Variants in ARHGAP22 observed in about 807,000 individuals in gnomAD.
ARHGAP22 encodes the protein rho GTPase-activating protein 22.
Under a neutral mutation model 59.1 loss-of-function variants are expected in ARHGAP22, and 48 were observed. That is an observed-to-expected ratio of 0.81 (90% CI 0.64 to 1.03). The LOEUF is 1.03. Among genes scored for constraint, ARHGAP22 ranks in the 50% least tolerant of loss-of-function variants. The pLI, the probability that ARHGAP22 is intolerant of heterozygous loss-of-function variation, is 0.00. For synonymous variants in ARHGAP22, 445 were observed against 416.4 expected (o/e 1.07, Z -0.84); for missense variants, 1,015 against 958.7 (o/e 1.06, Z -0.78).
intron 1 of ARHGAP22, among the ~76,000 whole-genome samples, chr10:48,621,943 T>C (rs1414767944): frequency 6.6e-6 from 1 of 152,208 alleles, no homozygotes. Context: ...GTCTCTTTTG[T>C]TTGATTTTAG....
intron 3 of ARHGAP22, among the ~76,000 whole-genome samples, chr10:48,544,593 T>C (rs2056264692): frequency 1.3e-5 from 2 of 152,246 alleles, no homozygotes; most frequent in East Asian, 3.8e-4. Context: ...GTTTAAAAAC[T>C]GACATTCAGT....
chr10:48,495,881 T>A (rs753250897), intron 3 of ARHGAP22, among the ~76,000 whole-genome samples: 39 of 152,170 alleles, frequency 2.6e-4, no homozygotes, highest in Non-Finnish European at 3.8e-4. Context: ...GGTGAGAAAC[T>A]GAGAGAAGCC....
intron 2 of ARHGAP22, among the ~76,000 whole-genome samples, chr10:48,565,429 G>A (rs959351070): frequency 2.6e-5 from 4 of 152,146 alleles, no homozygotes; most frequent in East Asian, 1.9e-4. Flanking sequence ...CTGAACCTCC[G>A]TTTCCTCCTC....
chr10:48,561,678 T>C (rs1416053149), intron 2 of ARHGAP22, among the ~76,000 whole-genome samples: 1 of 152,164 alleles, frequency 6.6e-6, no homozygotes, highest in African/African-American at 2.4e-5. Flanking sequence ...AGGCAAAAGA[T>C]TTAAACAGAT....
intron 8 of ARHGAP22, 118 bp from the exon 9 acceptor site, chr10:48,451,258 C>A: frequency 4.3e-6 from 6 of 1,405,118 alleles, no homozygotes; most frequent in Non-Finnish European, 5.9e-6. Flanking sequence ...AGAGCCAGGC[C>A]GCCCCTCAAG....
At chr10:48,588,184 C>A (rs74130571) in intron 1 of ARHGAP22, among the ~76,000 whole-genome samples, 98 of 150,792 alleles carry the variant, frequency 6.5e-4, no homozygotes, top group African/African-American at 2.3e-3. Context: ...GGGCCATGTT[C>A]ACTGGGGCAA....
At chr10:48,621,494 T>C (rs991027397) in intron 1 of ARHGAP22, among the ~76,000 whole-genome samples, 1 of 152,226 alleles carries the variant, frequency 6.6e-6, no homozygotes, top group Admixed American at 6.5e-5. Context: ...CTCCAAATGG[T>C]GGAGGATTTA....
At chr10:48,643,521 C>T (rs1565048788) in intron 1 of ARHGAP22, among the ~76,000 whole-genome samples, 3 of 151,154 alleles carry the variant, frequency 2.0e-5, no homozygotes, top group Admixed American at 6.6e-5. Context: ...CCAAACATCG[C>T]ATGTTCTCAC....
At chr10:48,631,912 T>C (rs1046474105) in intron 1 of ARHGAP22, among the ~76,000 whole-genome samples, 19 of 152,226 alleles carry the variant, frequency 1.2e-4, no homozygotes, top group African/African-American at 4.3e-4. Flanking sequence ...CAATGAATAC[T>C]CTTGGTTTTT....
chr10:48,443,819 C>T (rs1039785163), downstream of ARHGAP22: 1 of 152,172 alleles, frequency 6.6e-6, no homozygotes, highest in Non-Finnish European at 1.5e-5. Context: ...ACTCAAAAGC[C>T]AATTAAGACA....
intron 1 of ARHGAP22, among the ~76,000 whole-genome samples, chr10:48,641,809 C>G (rs1212430281): frequency 6.6e-6 from 1 of 152,192 alleles, no homozygotes; most frequent in Non-Finnish European, 1.5e-5. Context: ...CAAATTGTCC[C>G]TGTTTGCAGA....
intron 3 of ARHGAP22, among the ~76,000 whole-genome samples, chr10:48,516,621 C>T (rs941479177): frequency 3.3e-5 from 5 of 152,170 alleles, no homozygotes; most frequent in Non-Finnish European, 7.4e-5. Flanking sequence ...TAGAAAGGCA[C>T]AAACTACCAA....
intron 3 of ARHGAP22, among the ~76,000 whole-genome samples, chr10:48,523,297 C>T (rs569804299): frequency 6.6e-6 from 1 of 152,320 alleles, no homozygotes; most frequent in Admixed American, 6.5e-5. Flanking sequence ...ATAAGCGCGG[C>T]AGGTGAGTGT....
chr10:48,487,435 C>A (rs1013286210), intron 3 of ARHGAP22, among the ~76,000 whole-genome samples: 1 of 152,020 alleles, frequency 6.6e-6, no homozygotes, highest in African/African-American at 2.4e-5. Context: ...CAAGTGGGCT[C>A]AAGGTAATCA....
At chr10:48,529,775 A>G (rs2054644349) in intron 3 of ARHGAP22, among the ~76,000 whole-genome samples, 1 of 152,216 alleles carries the variant, frequency 6.6e-6, no homozygotes, top group South Asian at 2.1e-4. Context: ...ATTGGAACAG[A>G]ATAGAGAACC....
chr10:48,449,106 CCAGCCTTCTGCATGGA>C lies in ARHGAP22; in HGVS notation c.1868+1139_1868+1154del, dbSNP rs1286970381. ...ACACAACTGGCGCAGCTGGTCCAGC[CCAGCCTTCTGCATGGA>C]CAGCCTTCTGTATGGTAAGAGTTCC... On this transcript the variant is annotated intron_variant, in intron 9 of 9. Coordinates refer to ENST00000249601, the MANE Select transcript of ARHGAP22 (RefSeq NM_021226.4). Among the ~76,000 whole-genome samples, 3 of 152,178 alleles carry C rather than the reference CCAGCCTTCTGCATGGA, an allele frequency of 2.0e-5. No homozygotes were observed. The East Asian group carries it at 5.8e-4, about 29-fold the overall frequency.
At chr10:48,631,020 A>G (rs1464780165) in intron 1 of ARHGAP22, among the ~76,000 whole-genome samples, 2 of 152,220 alleles carry the variant, frequency 1.3e-5, no homozygotes, top group African/African-American at 2.4e-5. Flanking sequence ...TTTTTTCTGC[A>G]TTAATTCATA....
intron 4 of ARHGAP22, among the ~76,000 whole-genome samples, chr10:48,466,085 C>T (rs1209460979): frequency 6.6e-6 from 1 of 152,110 alleles, no homozygotes; most frequent in Admixed American, 6.5e-5. Context: ...AGGCTAAGCT[C>T]ACCTGGAAGG....
chr10:48,514,994 C>T (rs11101355), intron 3 of ARHGAP22, among the ~76,000 whole-genome samples: 79,788 of 151,868 alleles, frequency 0.53, 23,839 homozygotes, highest in Middle Eastern at 0.75. Flanking sequence ...AAATTTCTAT[C>T]TAATACAAAA....
Sources: allele counts gnomAD v4.1 joint callset (sites outside exome capture counted in the v4.1 genomes callset), GRCh38; gene constraint gnomAD v4.1.1; transcripts MANE v1.5; gene names NCBI Gene and HGNC (gene_info 2026-07-23, HGNC 2026-07-21).